Variants in DLG2 observed in about 807,000 individuals in gnomAD.
DLG2 encodes the protein discs large MAGUK scaffold protein 2.
In DLG2, 45 loss-of-function variants were observed where a neutral mutation model predicts 132.5. That is an observed-to-expected ratio of 0.34 (90% confidence interval 0.27 to 0.44). The LOEUF (loss-of-function observed/expected upper bound fraction) is 0.44, where lower values mean the gene tolerates loss of function less well. Ranked by LOEUF, DLG2 falls within the 20% of genes least tolerant of loss-of-function variation. DLG2 has a pLI of 1.00. For missense variants in DLG2, 1,045 were observed against 1,196.9 expected, an observed-to-expected ratio of 0.87 and a Z score of 1.87; for synonymous variants, 424 against 419.6, an observed-to-expected ratio of 1.01 and a Z score of -0.13.
At chr11:84,979,600 G>A (rs973518840) in intron 6 of DLG2, among the ~76,000 whole-genome samples, 3 of 150,792 alleles carry the variant, frequency 2.0e-5, no homozygotes, top group Non-Finnish European at 4.4e-5. Context: ...GGTGGGAACT[G>A]AACAATGAGA....
intron 4 of DLG2, among the ~76,000 whole-genome samples, chr11:85,224,348 A>C (rs920289448): frequency 6.6e-6 from 1 of 152,140 alleles, no homozygotes; most frequent in African/African-American, 2.4e-5. Context: ...TTTTTCAGAG[A>C]CATGGAAACA....
intron 9 of DLG2, among the ~76,000 whole-genome samples, chr11:84,127,123 A>G (rs2154211807): frequency 6.6e-6 from 1 of 152,334 alleles, no homozygotes; most frequent in East Asian, 1.9e-4. Context: ...GATGTTTATC[A>G]AAGGGCTATC....
At chr11:85,286,935 A>G (rs995687018) in intron 3 of DLG2, among the ~76,000 whole-genome samples, 43 of 152,136 alleles carry the variant, frequency 2.8e-4, no homozygotes, top group Admixed American at 8.5e-4. Context: ...GGAATATCAA[A>G]GAAACACAAG....
chr11:84,997,752 C>T (rs1385042888), intron 6 of DLG2: 2 of 152,196 alleles, frequency 1.3e-5, no homozygotes, highest in African/African-American at 4.8e-5. Context: ...CAATAATCAC[C>T]AGCCTCTTTA....
chr11:85,416,981 C>G (rs1037157586), intron 3 of DLG2, among the ~76,000 whole-genome samples: 20 of 152,040 alleles, frequency 1.3e-4, no homozygotes, highest in African/African-American at 4.8e-4. Flanking sequence ...AATACTATAT[C>G]GAATAGGAGT....
chr11:83,980,125 C>A (rs1463692808), intron 12 of DLG2, among the ~76,000 whole-genome samples: 4 of 152,090 alleles, frequency 2.6e-5, no homozygotes, highest in Non-Finnish European at 5.9e-5. Flanking sequence ...TGAGGATAGG[C>A]TCTATAGGAG....
intron 3 of DLG2, among the ~76,000 whole-genome samples, chr11:85,338,896 GGGTTTCACCGT>G (rs1254782559): frequency 6.6e-6 from 1 of 151,822 alleles, no homozygotes; most frequent in African/African-American, 2.4e-5. Context: ...AGTAGAGACG[GGGTTTCACCGT>G]GGTCTCAATC....
At chr11:84,861,749 A>C (rs12792949) in intron 6 of DLG2, among the ~76,000 whole-genome samples, 1 of 151,992 alleles carries the variant, frequency 6.6e-6, no homozygotes, top group Admixed American at 6.6e-5. Context: ...AGGAACAAAA[A>C]CAAATTTACA....
intron 6 of DLG2, among the ~76,000 whole-genome samples, chr11:84,896,023 C>T (rs2090138825): frequency 6.6e-6 from 1 of 151,956 alleles, no homozygotes. Context: ...CATTTATTAA[C>T]TGGTTGATTA....
intron 11 of DLG2, among the ~76,000 whole-genome samples, chr11:84,052,053 G>A (rs955940056): frequency 6.6e-6 from 1 of 151,776 alleles, no homozygotes; most frequent in African/African-American, 2.4e-5. Context: ...GATATCATAA[G>A]GCTAAGTTTT....
chr11:84,318,937 G>A (rs138871665), intron 7 of DLG2, among the ~76,000 whole-genome samples: 2 of 152,134 alleles, frequency 1.3e-5, no homozygotes, highest in East Asian at 3.9e-4. Flanking sequence ...AAAAAATAGA[G>A]AAATGAAGGA....
At chr11:84,902,601 G>T (rs990184639) in intron 6 of DLG2, among the ~76,000 whole-genome samples, 4 of 152,066 alleles carry the variant, frequency 2.6e-5, no homozygotes, top group African/African-American at 9.7e-5. Context: ...CAGTTGCCCT[G>T]GGAAATGTTA....
At chr11:83,523,127 G>A (rs2095525268) in intron 21 of DLG2, among the ~76,000 whole-genome samples, 1 of 152,168 alleles carries the variant, frequency 6.6e-6, no homozygotes, top group African/African-American at 2.4e-5. Flanking sequence ...AAACCTGCAA[G>A]CTCAACGGTA....
intron 14 of DLG2, among the ~76,000 whole-genome samples, chr11:83,933,569 C>A (rs1282049478): frequency 2.6e-5 from 4 of 152,208 alleles, no homozygotes; most frequent in Admixed American, 2.6e-4. Flanking sequence ...TTTCTCTGAA[C>A]TCCATTAGCA....
At chr11:85,437,252 C>T (rs1254044518) in intron 3 of DLG2, among the ~76,000 whole-genome samples, 2 of 150,824 alleles carry the variant, frequency 1.3e-5, no homozygotes, top group Non-Finnish European at 2.9e-5. Flanking sequence ...ACCACCATGC[C>T]ACATGTATAC....
chr11:83,473,812 C>T (rs2092349052), intron 22 of DLG2, among the ~76,000 whole-genome samples: 1 of 152,096 alleles, frequency 6.6e-6, no homozygotes, highest in Non-Finnish European at 1.5e-5. Context: ...CCTCCTTCAA[C>T]AGCCACAGCA....
chr11:83,942,180 T>C (rs970082158), intron 14 of DLG2, among the ~76,000 whole-genome samples: 8 of 152,174 alleles, frequency 5.3e-5, no homozygotes, highest in Admixed American at 4.6e-4. Flanking sequence ...GTAAGTAAAT[T>C]TGATGACATA....
At chr11:85,608,612 C>T (rs950063922) in intron 2 of DLG2, among the ~76,000 whole-genome samples, 2 of 152,054 alleles carry the variant, frequency 1.3e-5, no homozygotes, top group African/African-American at 4.8e-5. Context: ...CTAATCTCCC[C>T]GGCCCAGAAG....
At chr11:83,898,773 T>C (rs2072534858) in intron 15 of DLG2, among the ~76,000 whole-genome samples, 1 of 152,224 alleles carries the variant, frequency 6.6e-6, no homozygotes, top group East Asian at 1.9e-4. Flanking sequence ...CTTTCTCAGA[T>C]GTTAACATCT....
Sources: gnomAD v4.1 joint callset for allele counts (sites outside exome capture counted in the v4.1 genomes callset) on GRCh38, gnomAD v4.1.1 for gene constraint, MANE v1.5 for transcripts, NCBI Gene and HGNC (gene_info 2026-07-23, HGNC 2026-07-21) for gene names.